NLRP5: variants seen among roughly 807,000 people sequenced by gnomAD.
NLRP5 encodes the protein NACHT, LRR and PYD domains-containing protein 5.
NLRP5 carries 93 observed loss-of-function variants against 113.1 expected under a neutral mutation model. That is an observed-to-expected ratio of 0.82 (90% confidence interval 0.70 to 0.98). The LOEUF (loss-of-function observed/expected upper bound fraction) is 0.98, where lower values mean the gene tolerates loss of function less well. Among genes scored for constraint, NLRP5 ranks in the 50% least tolerant of loss-of-function variants. The pLI is 0.00. For synonymous variants in NLRP5, 751 were observed against 600.7 expected, an observed-to-expected ratio of 1.25 and a Z score of -3.66; for missense variants, 1,808 against 1,514.3, an observed-to-expected ratio of 1.19 and a Z score of -3.22.
At chr19:56,053,177 C>A (rs1031519557) in intron 12 of NLRP5, among the ~76,000 whole-genome samples, 6 of 152,060 alleles carry the variant, frequency 3.9e-5, no homozygotes, top group Admixed American at 1.3e-4. Flanking sequence ...AGGCGGATCA[C>A]CTGAGGTCAG....
At chr19:56,008,928 A>G in intron 3 of NLRP5, 75 bp downstream of exon 3, 2 of 1,282,786 alleles carry the variant, frequency 1.6e-6, no homozygotes, top group South Asian at 2.5e-5. Flanking sequence ...TCTAGGCATT[A>G]GAACCATGAC....
Position 56,028,833 on chromosome 19 carries a change from C to G in NLRP5, c.2276+324C>G, listed in dbSNP as rs538132369. 2.0e-5 allele frequency among the ~76,000 whole-genome samples: 3 copies of G among 152,212 alleles called. No individual in the cohort carries two copies. The South Asian group carries it at 6.2e-4, about 32-fold the overall frequency. ...AGGCTGGAGTGTAGTGGCACGATCT[C>G]GGCTCACTGCAAACTCCACCTCCCA... On this transcript the variant is annotated intron_variant, in intron 7 of 14. Transcript: ENST00000390649.
Position 56,038,193 on chromosome 19 carries a change from G to A in NLRP5, c.2784G>A (p.Leu928=), listed in dbSNP as rs755199395. ...TCTCCCAGTGCGCCCTGCAGAAGCTGATGTGAGTGCCACTTCCTTTCCACC... is the reference window on the plus strand; with the variant it reads ...TCTCCCAGTGCGCCCTGCAGAAGCTAATGTGAGTGCCACTTCCTTTCCACC... Residue 928 remains leucine (L), a splice_region_variant and synonymous_variant, in exon 10 of 15, where the codon CTG becomes CTA. Coordinates refer to ENST00000390649, the MANE Select transcript of NLRP5 (RefSeq NM_153447.4). The A allele has an allele frequency of 3.1e-6, 5 of 1,613,248 alleles. No individual in the cohort carries two copies. Among genetic ancestry groups the A allele is most frequent in the Middle Eastern group, 1.7e-4 (1 of 6,056 alleles).
the NLRP5 span, among the ~76,000 whole-genome samples, chr19:55,989,657 C>G: frequency 6.6e-6 from 1 of 152,176 alleles, no homozygotes; most frequent in Non-Finnish European, 1.5e-5. Flanking sequence ...GCTCATCACC[C>G]AAAGACATTC....
intron 3 of NLRP5, 27 bp downstream of exon 3, chr19:56,008,880 A>T (rs538753438): frequency 6.2e-7 from 1 of 1,601,576 alleles, no homozygotes; most frequent in Non-Finnish European, 8.5e-7. Flanking sequence ...TGGGGGAAAT[A>T]GGATGTGCTT....
At position 56,027,981 on chromosome 19, in the gene NLRP5, T is replaced by A. The variant is rs1305814820; in HGVS notation, c.1748T>A (p.Phe583Tyr). Reference sequence around the variant, plus strand: ...CACTGTGAGGAGTACTACACCTTCTTCCACCTCAGTCTCCAGGACTTCTGT... The same window carrying A: ...CACTGTGAGGAGTACTACACCTTCTACCACCTCAGTCTCCAGGACTTCTGT... The change falls in exon 7 of 15, where the codon TTC becomes TAC. Residue 583 changes from phenylalanine (F) to tyrosine (Y), a missense_variant. Physicochemically the swap from Phe to Tyr is conservative, Grantham distance 22 (BLOSUM62 3). Transcript: ENST00000390649. The A allele has an allele frequency of 1.9e-6, 3 of 1,613,872 alleles. No individual in the cohort carries two copies. Among genetic ancestry groups the A allele is most frequent in the Non-Finnish European group, 1.7e-6 (2 of 1,179,882 alleles).
At chr19:56,008,631 T>C (rs12462844) in intron 2 of NLRP5, among the ~76,000 whole-genome samples, 157 bp from the exon 3 acceptor site, 59,346 of 151,940 alleles carry the variant, frequency 0.39, 11,792 homozygotes, top group Admixed American at 0.42. Context: ...AAGTCTGACT[T>C]TGTTGTCTCC....
At chr19:56,008,430 T>G (rs938129345) in intron 2 of NLRP5, among the ~76,000 whole-genome samples, 1 of 152,118 alleles carries the variant, frequency 6.6e-6, no homozygotes, top group Non-Finnish European at 1.5e-5. Context: ...TTTGGGTAAC[T>G]CATAGGCATC....
At chr19:56,025,068 C>G (rs1266320074) in intron 6 of NLRP5, among the ~76,000 whole-genome samples, 2 of 151,856 alleles carry the variant, frequency 1.3e-5, no homozygotes, top group African/African-American at 4.8e-5. Context: ...GAATCTAATG[C>G]CTGATGATCT....
intron 2 of NLRP5, among the ~76,000 whole-genome samples, chr19:56,008,227 C>A (rs150347638): frequency 0.021 from 3,125 of 152,152 alleles, 48 homozygotes; most frequent in Non-Finnish European, 0.033. Context: ...CGCGCCTGGC[C>A]ACAAGACAGT....
At chr19:56,007,216 T>C (rs1447333143) in intron 2 of NLRP5, among the ~76,000 whole-genome samples, 1 of 151,090 alleles carries the variant, frequency 6.6e-6, no homozygotes, top group Admixed American at 6.6e-5. Flanking sequence ...TACAAAAAAT[T>C]AGCCTGGTGT....
intron 13 of NLRP5, among the ~76,000 whole-genome samples, chr19:56,057,507 G>A (rs1264443496): frequency 6.6e-6 from 1 of 152,156 alleles, no homozygotes; most frequent in Non-Finnish European, 1.5e-5. Flanking sequence ...CAGTGTACAG[G>A]TGATTTTTTT....
chr19:56,015,335 C>T (rs1982363134), intron 3 of NLRP5, among the ~76,000 whole-genome samples: 1 of 152,020 alleles, frequency 6.6e-6, no homozygotes, highest in African/African-American at 2.4e-5. Context: ...GATGGGATTA[C>T]AGGCACACGC....
Position 56,012,492 on chromosome 19 carries a change from A to G in NLRP5, c.509-3250A>G, listed in dbSNP as rs186796710. On this transcript the variant is annotated intron_variant, in intron 3 of 14. Transcript: ENST00000390649. ...CGGATAACTCGATGCAGGTTTACAT[A>G]TCGTAAAATCTTGAGAATACAATTC... Among the ~76,000 whole-genome samples, 94 of 142,688 alleles carry G rather than the reference A, an allele frequency of 6.6e-4. 1 individual carries two copies. The highest frequency in any genetic ancestry group is 3.6e-3 in the Middle Eastern group (1 of 278). 93.6% of individuals were successfully genotyped at this position (142,688 alleles called of 152,430 possible).
chr19:56,043,078 T>C lies in NLRP5; in HGVS notation c.2957+1986T>C, dbSNP rs551931808. 2.0e-5 allele frequency among the ~76,000 whole-genome samples: 3 copies of C among 152,314 alleles called. No homozygotes were observed. In the East Asian group the frequency reaches 5.8e-4, roughly 29 times the overall value. On this transcript the variant is annotated intron_variant, in intron 11 of 14. Transcript: ENST00000390649. The stretch of plus-strand genomic sequence containing the variant: ...CCTGCTATAAATATATGGGTACAAG[T>C]ATCTTTTTCGAATATTGACTACTTT...
At chr19:56,016,823 T>A (rs989572136) in intron 4 of NLRP5, among the ~76,000 whole-genome samples, 38 of 152,038 alleles carry the variant, frequency 2.5e-4, no homozygotes, top group African/African-American at 8.7e-4. Flanking sequence ...TACACCACAT[T>A]TTTTTAAGGG....
At chr19:55,999,865 G>A in intron 1 of NLRP5, 1 of 1,019,054 alleles carries the variant, frequency 9.8e-7, no homozygotes, top group East Asian at 2.4e-5. Context: ...CGAATCCCCT[G>A]CCCTCGCTGC....
chr19:55,990,348 C>T, the NLRP5 span, among the ~76,000 whole-genome samples: 1 of 151,868 alleles, frequency 6.6e-6, no homozygotes, highest in South Asian at 2.1e-4. Flanking sequence ...CTCAGGATCC[C>T]AAAGTGCTGG....
chr19:56,047,044 C>A (rs761838812), intron 11 of NLRP5, among the ~76,000 whole-genome samples: 8 of 108,248 alleles, frequency 7.4e-5, no homozygotes, highest in Non-Finnish European at 1.5e-4. Context: ...AAAGGTGTTC[C>A]TTATAGCCTT....
Sources: allele counts gnomAD v4.1 joint callset (sites outside exome capture counted in the v4.1 genomes callset), GRCh38; gene constraint gnomAD v4.1.1; transcripts MANE v1.5; gene names NCBI Gene and HGNC (gene_info 2026-07-23, HGNC 2026-07-21).